PRDX3: variants seen among roughly 807,000 people sequenced by gnomAD.
PRDX3 encodes peroxiredoxin 3.
A neutral mutation model predicts 30.4 loss-of-function variants in PRDX3; 20 were observed. That is an observed-to-expected ratio of 0.66 (90% confidence interval 0.46 to 0.96). The LOEUF (loss-of-function observed/expected upper bound fraction) is 0.96, where lower values mean the gene tolerates loss of function less well. PRDX3 is among the 40% of genes least tolerant of loss of function. The probability of loss-of-function intolerance (pLI) is 0.00; values close to 1 mark genes in which losing one functional copy is unlikely to be tolerated. For synonymous variants in PRDX3, 124 were observed against 117.8 expected (o/e 1.05, Z -0.34); for missense variants, 322 against 318.3 (o/e 1.01, Z -0.09).
At chr10:119,169,921 G>T (rs890179648) in intron 5 of PRDX3, 1 of 152,434 alleles carries the variant, frequency 6.6e-6, no homozygotes, top group African/African-American at 2.4e-5. Context: ...TACCACAGTG[G>T]TCTGTGTTTA....
intron 2 of PRDX3, among the ~76,000 whole-genome samples, chr10:119,176,466 G>T (rs1428717277): frequency 6.6e-6 from 1 of 152,122 alleles, no homozygotes; most frequent in Non-Finnish European, 1.5e-5. Context: ...GTCAAATCTA[G>T]ACAAGGTATT....
In PRDX3 at chr10:119,173,746, T is replaced by C; in HGVS notation, c.438A>G (p.Thr146=). 6.2e-7 allele frequency: 1 copy of C among 1,611,828 alleles called. No homozygotes were observed. Among genetic ancestry groups the C allele is most frequent in the Middle Eastern group, 2.2e-4 (1 of 4,538 alleles). The stretch of plus-strand genomic sequence containing the variant: ...GGGTACAATGCCATACCTTTCTTGG[T>C]GTATTTATCCAGGCAAGATGGCTAA... ...SHFSHLAWIN[T]PRKNGGLGHM... Residue 146 remains threonine (T), a synonymous_variant, in exon 4 of 7, where the codon ACA becomes ACG. Transcript: ENST00000298510.
intron 6 of PRDX3, among the ~76,000 whole-genome samples, 171 bp from the exon 7 acceptor site, chr10:119,168,704 A>G (rs1353346427): frequency 2.6e-5 from 4 of 151,118 alleles, no homozygotes; most frequent in Non-Finnish European, 4.4e-5. Flanking sequence ...TAGGCCGGGC[A>G]CGGTGGCTCA....
intron 2 of PRDX3, among the ~76,000 whole-genome samples, chr10:119,176,374 C>T (rs937483731): frequency 6.6e-6 from 1 of 152,186 alleles, no homozygotes; most frequent in Non-Finnish European, 1.5e-5. Flanking sequence ...GCTCTTAGAA[C>T]ATTTTGCCCA....
At position 119,168,251 on chromosome 10, in the gene PRDX3, C is replaced by G; in HGVS notation, c.*229G>C. 2.5e-6 allele frequency: 2 copies of G among 800,824 alleles called. No individual in the cohort carries two copies. The highest frequency in any genetic ancestry group is 3.6e-6 in the Non-Finnish European group (2 of 549,632). The allele number at this position is 800,824 out of a possible 1,614,324, so 49.6% of individuals were successfully genotyped here. A position where few individuals can be genotyped will look rare whatever the true frequency, so the allele number is the denominator to read the frequency against. On this transcript the variant is annotated 3_prime_UTR_variant, in exon 7 of 7. Transcript: ENST00000298510. ...GCAAATTATGTTCTGTAGAAACTAG[C>G]TAGCCAGCCACCAAGATGTTACCAA...
Position 119,177,042 on chromosome 10 carries a change from G to T in PRDX3, c.148C>A (p.Gln50Lys). The T allele has an allele frequency of 1.2e-6, 2 of 1,614,082 alleles. No homozygotes were observed. The highest frequency in any genetic ancestry group is 2.2e-5 in the South Asian group (2 of 91,050). Reference protein sequence around the residue: ...LTNLLCSGSSQAKLFSTSSSC... With the variant: ...LTNLLCSGSSKAKLFSTSSSC... ...TTACTGGTGCTGAATAATTTTGCTT[G>T]ACTGGAACCAGAACACAATAAATTT... is the stretch of plus-strand genomic sequence containing the variant. The change falls in exon 2 of 7, where the codon CAA (glutamine) becomes AAA (lysine). Residue 50 changes from glutamine to lysine, a missense_variant. Transcript: ENST00000298510.
rs975569333 is a variant in PRDX3, at chr10:119,174,603, A to C, written c.170-11T>G. On this transcript the variant is annotated splice_polypyrimidine_tract_variant and intron_variant, in intron 2 of 6. Coordinates refer to ENST00000298510, the MANE Select transcript of PRDX3 (RefSeq NM_006793.5). ...CATGGCATGAGGAACCTGAAAAAAAACCCACACTCATATGGAGTTCATCAT... is the reference window on the plus strand; with the variant it reads ...CATGGCATGAGGAACCTGAAAAAAACCCCACACTCATATGGAGTTCATCAT... 25 of 1,578,094 alleles carry C rather than the reference A, an allele frequency of 1.6e-5. No individual in the cohort carries two copies. The highest frequency in any genetic ancestry group is 1.9e-5 in the Non-Finnish European group (22 of 1,168,748).
intron 2 of PRDX3, 52 bp from the exon 3 acceptor site, chr10:119,174,644 C>T: frequency 6.7e-7 from 1 of 1,485,988 alleles, no homozygotes; most frequent in Non-Finnish European, 9.0e-7. Flanking sequence ...ATGTCAAGCA[C>T]CTATGATTTT....
chr10:119,167,730 T>C lies in PRDX3; in HGVS notation c.*750A>G, dbSNP rs1358678586. On this transcript the variant is annotated 3_prime_UTR_variant, in exon 7 of 7. Coordinates refer to ENST00000298510, the MANE Select transcript of PRDX3 (RefSeq NM_006793.5). ...GTGGTAAAATGCAAATGTTTTAAAA[T>C]ATGTTTATTTTGTATGTTTTACAAT... 2 of 152,250 alleles carry C rather than the reference T, an allele frequency of 1.3e-5. No individual in the cohort carries two copies. The highest frequency in any genetic ancestry group is 4.8e-5 in the African/African-American group (2 of 41,466). 9.4% of individuals were successfully genotyped at this position (152,250 alleles called of 1,614,324 possible). A position where few individuals can be genotyped will look rare whatever the true frequency, so the allele number is the denominator to read the frequency against.
intron 6 of PRDX3, among the ~76,000 whole-genome samples, chr10:119,168,803 C>G (rs904137719): frequency 6.6e-6 from 1 of 152,098 alleles, no homozygotes; most frequent in African/African-American, 2.4e-5. Flanking sequence ...CGGTGAAACC[C>G]CGTCTCTACT....
chr10:119,171,671 G>A (rs1847910677), intron 5 of PRDX3, among the ~76,000 whole-genome samples: 1 of 152,196 alleles, frequency 6.6e-6, no homozygotes, highest in Non-Finnish European at 1.5e-5. Context: ...AACTCTAGCT[G>A]TGTCACTATT....
chr10:119,177,182 T>C (rs771622322), intron 1 of PRDX3, 29 bp from the exon 2 acceptor site: 6 of 1,610,522 alleles, frequency 3.7e-6, no homozygotes, highest in Admixed American at 3.3e-5. Flanking sequence ...TATTAGAAAG[T>C]TTTCCTGGAC....
intron 2 of PRDX3, among the ~76,000 whole-genome samples, chr10:119,176,301 A>G (rs1441075651): frequency 1.3e-5 from 2 of 152,222 alleles, no homozygotes; most frequent in African/African-American, 4.8e-5. Flanking sequence ...TAAAGTTTTA[A>G]GCCTGTGGTA....
chr10:119,173,139 C>T (rs886658627), intron 4 of PRDX3, among the ~76,000 whole-genome samples: 4 of 151,926 alleles, frequency 2.6e-5, no homozygotes, highest in African/African-American at 9.7e-5. Context: ...GGGGTTTCAC[C>T]GTGTTAGCCA....
chr10:119,169,125 T>C lies in PRDX3; in HGVS notation c.717+52A>G, dbSNP rs987014068. The C allele has an allele frequency of 4.4e-6, 7 of 1,585,452 alleles. No individual in the cohort carries two copies. In the Admixed American group the frequency reaches 1.2e-4, roughly 27 times the overall value. ...TTTGTGGATATTTCAGGTCAATAGC[T>C]CTCGAGGCTGAGAGAACATGGACCT... On this transcript the variant is annotated intron_variant, in intron 6 of 6. Coordinates refer to ENST00000298510, the MANE Select transcript of PRDX3 (RefSeq NM_006793.5).
At chr10:119,178,720 G>C (rs1395233581) in intron 1 of PRDX3, 35 bp downstream of exon 1, 1 of 1,550,516 alleles carries the variant, frequency 6.4e-7, no homozygotes, top group Non-Finnish European at 8.7e-7. Flanking sequence ...AGCCACCAGT[G>C]TCTCCACGCC....
rs899511353 is a variant in PRDX3, at chr10:119,175,513, A to T, written c.170-921T>A. Among the ~76,000 whole-genome samples, 7 of 152,296 alleles carry T rather than the reference A, an allele frequency of 4.6e-5. No homozygotes were observed. The South Asian group carries it at 1.0e-3, about 23-fold the overall frequency. ...TGGGTTCACGCCATTCTCCGGCCTC[A>T]GCCTCCCGAGTAGCTGGGACCACAG... is the stretch of plus-strand genomic sequence containing the variant. On this transcript the variant is annotated intron_variant, in intron 2 of 6. Coordinates refer to ENST00000298510, the MANE Select transcript of PRDX3 (RefSeq NM_006793.5).
Position 119,168,515 on chromosome 10 carries a change from C to T in PRDX3, c.736G>A (p.Ala246Thr), listed in dbSNP as rs1847820708. The change falls in exon 7 of 7, where the codon GCT becomes ACT. Residue 246 changes from alanine to threonine, a missense_variant. By Grantham distance (58) the Ala-to-Thr change is moderately conservative (BLOSUM62 0). Transcript: ENST00000298510. ...ACCTTCTGAAAGTACTCTTTGGAAG[C>T]AGCTGGACTTGGCTTGATCTGAAAA... ...DSPTIKPSPA[A>T]SKEYFQKVNQ 5 of 1,613,804 alleles carry T rather than the reference C, an allele frequency of 3.1e-6. No individual in the cohort carries two copies. The highest frequency in any genetic ancestry group is 1.6e-4 in the Middle Eastern group (1 of 6,074).
rs777240621 is a variant in PRDX3, at chr10:119,169,291, G to A, written c.603C>T (p.Asn201=). The A allele has an allele frequency of 1.5e-5, 24 of 1,614,054 alleles. 1 individual carries two copies. Among genetic ancestry groups the A allele is most frequent in the Middle Eastern group, 3.3e-4 (2 of 6,046 alleles). Residue 201 remains asparagine (N), a synonymous_variant, in exon 6 of 7, where the codon AAC becomes AAT. Transcript: ENST00000298510. ...PNGVIKHLSV[N]DLPVGRSVEE... is the part of the protein sequence containing the mutation. ...CCACGCTTCGGCCCACTGGGAGATC[G>A]TTGACGCTCAAATGCTTGATGACTC... is the stretch of plus-strand genomic sequence containing the variant.
Sources: allele counts gnomAD v4.1 joint callset (sites outside exome capture counted in the v4.1 genomes callset), GRCh38; gene constraint gnomAD v4.1.1; transcripts MANE v1.5; gene names NCBI Gene and HGNC (gene_info 2026-07-23, HGNC 2026-07-21).